CHLSN: variants seen among roughly 807,000 people sequenced by gnomAD.
The protein encoded by CHLSN is cholesin.
chr7:981,248 A>C, the CHLSN span, among the ~76,000 whole-genome samples: 1 of 150,076 alleles, frequency 6.7e-6, no homozygotes, highest in East Asian at 2.0e-4. Flanking sequence ...GTGAGCCAAG[A>C]TCATGCCACT....
the CHLSN span, chr7:1,127,185 C>T: frequency 6.7e-7 from 1 of 1,500,204 alleles, no homozygotes; most frequent in South Asian, 1.4e-5. Flanking sequence ...GGCTGAGCCA[C>T]CCCCTCTCCC....
chr7:980,981 C>G, the CHLSN span, among the ~76,000 whole-genome samples: 1 of 152,100 alleles, frequency 6.6e-6, no homozygotes, highest in Non-Finnish European at 1.5e-5. Flanking sequence ...GCATAAGCCA[C>G]TGCGCCTGGC....
chr7:1,100,705 G>A, the CHLSN span, among the ~76,000 whole-genome samples: 1 of 151,824 alleles, frequency 6.6e-6, no homozygotes, highest in East Asian at 1.9e-4. Flanking sequence ...AATGTCCCCA[G>A]CCGGAGCCCC....
At chr7:1,035,608 C>T in the CHLSN span, among the ~76,000 whole-genome samples, 976 of 152,316 alleles carry the variant, frequency 6.4e-3, 13 homozygotes, top group African/African-American at 0.022. Context: ...ACACCTGTCA[C>T]GATAGCCCAA....
At chr7:1,039,266 C>T in the CHLSN span, among the ~76,000 whole-genome samples, 1 of 45,330 alleles carries the variant, frequency 2.2e-5, no homozygotes, top group Non-Finnish European at 3.8e-5. Context: ...CCCGGCCAGC[C>T]GCCCCGTCCA....
At chr7:979,290 C>T in the CHLSN span, among the ~76,000 whole-genome samples, 5 of 152,158 alleles carry the variant, frequency 3.3e-5, no homozygotes, top group African/African-American at 7.2e-5. Flanking sequence ...CAACGGGTGG[C>T]GGAGGCTCTG....
the CHLSN span, chr7:1,010,025 C>T: frequency 1.2e-4 from 198 of 1,607,306 alleles, 1 homozygote; most frequent in South Asian, 2.0e-3. Flanking sequence ...GCCTGCCTCC[C>T]GCAGACGCTG....
the CHLSN span, among the ~76,000 whole-genome samples, chr7:1,072,915 C>A: frequency 4.6e-5 from 7 of 152,082 alleles, no homozygotes; most frequent in South Asian, 1.5e-3. Flanking sequence ...AACTCCTGGC[C>A]TCAAGTGAGC....
chr7:1,106,026 T>C, the CHLSN span, among the ~76,000 whole-genome samples: 3 of 152,160 alleles, frequency 2.0e-5, no homozygotes, highest in Admixed American at 1.3e-4. Context: ...GTTGCTTTCC[T>C]TGCTCAACTT....
chr7:1,090,254 G>A, the CHLSN span, among the ~76,000 whole-genome samples: 1 of 152,210 alleles, frequency 6.6e-6, no homozygotes, highest in Non-Finnish European at 1.5e-5. Context: ...GAGCTGAGCG[G>A]CAGCCCTGGC....
At chr7:991,170 G>A in the CHLSN span, among the ~76,000 whole-genome samples, 3 of 152,132 alleles carry the variant, frequency 2.0e-5, no homozygotes, top group Non-Finnish European at 2.9e-5. Context: ...TGGAGGCCCA[G>A]CCGACATGAG....
chr7:1,010,433 C>G, the CHLSN span, among the ~76,000 whole-genome samples: 1 of 152,238 alleles, frequency 6.6e-6, no homozygotes, highest in African/African-American at 2.4e-5. Context: ...ACTCCCGGCT[C>G]CCGAGGCTCT....
At chr7:1,091,655 A>C in the CHLSN span, 1 of 1,098,104 alleles carries the variant, frequency 9.1e-7, no homozygotes, top group Non-Finnish European at 1.3e-6. Flanking sequence ...CTTCTTTCTA[A>C]AGATGGATTC....
the CHLSN span, among the ~76,000 whole-genome samples, chr7:1,042,032 G>A: frequency 5.9e-5 from 9 of 152,084 alleles, no homozygotes; most frequent in Non-Finnish European, 7.4e-5. Context: ...GGCAGTGCGC[G>A]GGGCTGCAGA....
the CHLSN span, among the ~76,000 whole-genome samples, chr7:1,061,060 A>G: frequency 6.6e-6 from 1 of 152,008 alleles, no homozygotes; most frequent in Non-Finnish European, 1.5e-5. Flanking sequence ...AAAGGGGCGG[A>G]CCCCACACAC....
chr7:1,121,972 G>A, the CHLSN span, among the ~76,000 whole-genome samples: 1 of 152,142 alleles, frequency 6.6e-6, no homozygotes, highest in African/African-American at 2.4e-5. Flanking sequence ...ACACACCCGA[G>A]GCCTTGTCTG....
At chr7:1,106,179 C>T in the CHLSN span, among the ~76,000 whole-genome samples, 4 of 152,328 alleles carry the variant, frequency 2.6e-5, no homozygotes, top group Admixed American at 1.3e-4. Flanking sequence ...GCACACTGCC[C>T]GGCCGAGCAC....
the CHLSN span, among the ~76,000 whole-genome samples, chr7:979,563 C>T: frequency 6.6e-6 from 1 of 152,032 alleles, no homozygotes; most frequent in Non-Finnish European, 1.5e-5. Context: ...ACCAGCCTGG[C>T]CAACATGGTG....
chr7:1,076,001 C>T, the CHLSN span: 1 of 152,298 alleles, frequency 6.6e-6, no homozygotes, highest in African/African-American at 2.4e-5. Flanking sequence ...GGGCGCCCCA[C>T]TCCCAGCTCC....
Sources: allele counts gnomAD v4.1 joint callset (sites outside exome capture counted in the v4.1 genomes callset), GRCh38; gene constraint gnomAD v4.1.1; transcripts MANE v1.5; gene names NCBI Gene and HGNC (gene_info 2026-07-23, HGNC 2026-07-21).